The following MORC4 variants were observed in gnomAD, a reference collection of about 807,000 sequenced individuals.
MORC4 encodes the protein MORC family CW-type zinc finger 4.
Under a neutral mutation model 65.5 loss-of-function variants are expected in MORC4, and 22 were observed. The observed-to-expected ratio is 0.34, with a 90% CI of 0.24 to 0.48. MORC4 has a LOEUF of 0.48. MORC4 is among the 20% of genes least tolerant of loss of function. The pLI is 0.99. For missense variants in MORC4, 624 were observed against 703.0 expected, an observed-to-expected ratio of 0.89 and a Z score of 1.27; for synonymous variants, 267 against 255.8, an observed-to-expected ratio of 1.04 and a Z score of -0.42.
Position 106,978,141 on chromosome X carries a change from A to T in MORC4, c.995T>A (p.Ile332Lys). ...GAGTCGGTTGTTATGATACATCATT[A>T]TTCCAAACTGGTTACTATTCTTGCA... is the stretch of plus-strand genomic sequence containing the variant. ...FSCKNSNQFG[I>K]MMYHNNRLIK... The change falls in exon 8 of 17, where the codon ATA becomes AAA. Residue 332 changes from isoleucine (I) to lysine (K), a missense_variant. Transcript: ENST00000355610. The T allele has an allele frequency of 8.3e-7, 1 of 1,207,830 alleles. No individual in the cohort carries two copies. The highest frequency in any genetic ancestry group is 1.1e-6 in the Non-Finnish European group (1 of 892,414).
At chrX:106,993,383 C>T (rs1023606545) in intron 2 of MORC4, 21 bp from the exon 3 acceptor site, 12 of 1,193,983 alleles carry the variant, frequency 1.0e-5, no homozygotes, top group Middle Eastern at 2.3e-4. Flanking sequence ...TAGAAATCTG[C>T]GATATTAGAT....
At chrX:106,987,139 A>T (rs1035551648) in intron 3 of MORC4, among the ~76,000 whole-genome samples, 1 of 111,828 alleles carries the variant, frequency 8.9e-6, no homozygotes, top group Non-Finnish European at 1.9e-5. Context: ...AGAAGAAAAA[A>T]GTTCTAATGT....
chrX:106,952,593 G>A (rs1934001177), intron 14 of MORC4, among the ~76,000 whole-genome samples: 1 of 111,783 alleles, frequency 8.9e-6, no homozygotes, highest in Non-Finnish European at 1.9e-5. Flanking sequence ...ACATACTGGT[G>A]GAACCTATTC....
intron 3 of MORC4, among the ~76,000 whole-genome samples, chrX:106,986,731 A>G (rs1934878107): frequency 8.9e-6 from 1 of 111,859 alleles, no homozygotes; most frequent in Non-Finnish European, 1.9e-5. Flanking sequence ...TCAACTCTCC[A>G]CTCAAAGGAT....
chrX:106,949,086 T>G (rs1018111175), intron 14 of MORC4, among the ~76,000 whole-genome samples: 1 of 112,035 alleles, frequency 8.9e-6, no homozygotes, highest in South Asian at 3.7e-4. Context: ...GCTCTGTTCA[T>G]TTTTCTTTTC....
intron 8 of MORC4, 27 bp from the exon 9 acceptor site, chrX:106,976,711 C>T: frequency 2.8e-6 from 3 of 1,063,017 alleles, no homozygotes; most frequent in Non-Finnish European, 3.9e-6. Context: ...AATTTCAACA[C>T]TTACATTACT....
At position 106,981,435 on chromosome X, in the gene MORC4, T is replaced by C. The variant is rs780310889; in HGVS notation, c.717A>G (p.Gln239=). 37 of 1,203,059 alleles carry C rather than the reference T, an allele frequency of 3.1e-5. No homozygotes were observed. The highest frequency in any genetic ancestry group is 2.3e-4 in the Middle Eastern group (1 of 4,307). Reference sequence around the variant, plus strand: ...CAAAGTCTGATACCAGGATGTCATATTGATCTGTATCAAAGTCCAACTCAG... The same window carrying C: ...CAAAGTCTGATACCAGGATGTCATACTGATCTGTATCAAAGTCCAACTCAG... ...GKSELDFDTD[Q]YDILVSDFDT... Residue 239 remains glutamine (Q), a synonymous_variant, in exon 6 of 17, where the codon CAA becomes CAG. Transcript: ENST00000355610.
intron 14 of MORC4, among the ~76,000 whole-genome samples, chrX:106,948,179 GC>G (rs1297048113): frequency 9.0e-6 from 1 of 111,221 alleles, no homozygotes; most frequent in Non-Finnish European, 1.9e-5. Flanking sequence ...TTCCAAGGAA[GC>G]CAAGAGAAGA....
At chrX:106,953,128 G>A (rs939461644) in intron 14 of MORC4, among the ~76,000 whole-genome samples, 1 of 111,708 alleles carries the variant, frequency 9.0e-6, no homozygotes, top group Admixed American at 9.5e-5. Context: ...CCTCACTCTC[G>A]ATATAGCAAT....
Position 107,000,005 on chromosome X carries a change from G to A in MORC4, c.-36C>T. ...GCCACGGTACCCGTCTGCTGCCGCC[G>A]GACCCCTGGCCCGGCGGTCCGGGAC... On this transcript the variant is annotated 5_prime_UTR_variant, in exon 1 of 17. Coordinates refer to ENST00000355610, the MANE Select transcript of MORC4 (RefSeq NM_024657.5). 1.5e-6 allele frequency: 1 copy of A among 687,781 alleles called. No homozygotes were observed. The highest frequency in any genetic ancestry group is 1.8e-6 in the Non-Finnish European group (1 of 545,527). The allele number at this position is 687,781 out of a possible 1,213,427, so 56.7% of individuals were successfully genotyped here. A position where few individuals can be genotyped will look rare whatever the true frequency, so the allele number is the denominator to read the frequency against.
intron 7 of MORC4, among the ~76,000 whole-genome samples, chrX:106,978,895 T>C (rs1162494805): frequency 9.0e-6 from 1 of 111,464 alleles, no homozygotes; most frequent in Non-Finnish European, 1.9e-5. Flanking sequence ...CCTGTAGTGA[T>C]ATATTTCATG....
chrX:106,950,067 C>T (rs1411774407), intron 14 of MORC4, among the ~76,000 whole-genome samples: 1 of 111,947 alleles, frequency 8.9e-6, no homozygotes, highest in Non-Finnish European at 1.9e-5. Context: ...CTGTGTTCAG[C>T]TTGAGGACGG....
chrX:106,943,189 G>C lies in MORC4; in HGVS notation c.1702C>G (p.Leu568Val). Residue 568 changes from leucine (L) to valine (V), a missense_variant, in exon 15 of 17, where the codon CTA becomes GTA. By Grantham distance (32) the Leu-to-Val change is conservative. Coordinates refer to ENST00000355610, the MANE Select transcript of MORC4 (RefSeq NM_024657.5). ...CGTTTCTCCACCGGTTCTTCACCTA[G>C]GATCCATTTGTACTTACTGCAAGAA... ...LQFSSKYKWI[L>V]GEEPVEKRRR... The C allele has an allele frequency of 8.3e-7, 1 of 1,198,448 alleles. No homozygotes were observed. Among genetic ancestry groups the C allele is most frequent in the Non-Finnish European group, 1.1e-6 (1 of 884,993 alleles).
chrX:106,961,989 C>A, intron 10 of MORC4, 23 bp downstream of exon 10: 1 of 1,084,050 alleles, frequency 9.2e-7, no homozygotes, highest in Non-Finnish European at 1.3e-6. Context: ...CTAATACATT[C>A]ATATTCTGTA....
At chrX:106,976,540 T>A (rs1033158090) in intron 9 of MORC4, 44 bp downstream of exon 9, 20 of 877,251 alleles carry the variant, frequency 2.3e-5, no homozygotes, top group Non-Finnish European at 3.3e-5. Flanking sequence ...CAGAATCATA[T>A]CTGAACAAAC....
chrX:106,989,113 G>A (rs1332081560), intron 3 of MORC4, among the ~76,000 whole-genome samples: 1 of 112,404 alleles, frequency 8.9e-6, no homozygotes, highest in Non-Finnish European at 1.9e-5. Context: ...GTGCTAAGCA[G>A]ACTGTTATTC....
Position 106,941,598 on chromosome X carries a change from C to T in MORC4, c.2695G>A (p.Val899Ile), listed in dbSNP as rs139334870. ...AGGACAGAAGTAAGGAGATAGCTGA[C>T]GTGGATACGTAGCCGCGTAAGCTTT... ...LAKLTRLRIHVSYLLTSVLPH... is the reference protein window; with the variant it reads ...LAKLTRLRIHISYLLTSVLPH... The change falls in exon 17 of 17, where the codon GTC (valine) becomes ATC (isoleucine). Residue 899 changes from valine (V) to isoleucine (I), a missense_variant. By Grantham distance (29) the Val-to-Ile change is conservative. Coordinates refer to ENST00000355610, the MANE Select transcript of MORC4 (RefSeq NM_024657.5). 26 of 1,208,491 alleles carry T rather than the reference C, an allele frequency of 2.2e-5. No individual in the cohort carries two copies. Among genetic ancestry groups the T allele is most frequent in the East Asian group, 8.9e-5 (3 of 33,744 alleles).
intron 3 of MORC4, among the ~76,000 whole-genome samples, chrX:106,988,009 G>A (rs1316448273): frequency 9.0e-6 from 1 of 111,569 alleles, no homozygotes; most frequent in Non-Finnish European, 1.9e-5. Flanking sequence ...TTTGTTATGA[G>A]GATTAAATTA....
At chrX:106,993,462 T>C (rs986429073) in intron 2 of MORC4, 100 bp from the exon 3 acceptor site, 8 of 879,060 alleles carry the variant, frequency 9.1e-6, no homozygotes, top group Non-Finnish European at 1.3e-5. Context: ...GTCCTTTATT[T>C]CCTTCATTTG....
Sources: allele counts gnomAD v4.1 joint callset (sites outside exome capture counted in the v4.1 genomes callset), GRCh38; gene constraint gnomAD v4.1.1; transcripts MANE v1.5; gene names NCBI Gene and HGNC (gene_info 2026-07-23, HGNC 2026-07-21).